Variants in HGF observed in about 807,000 individuals in gnomAD.
The protein encoded by HGF is fibroblast-derived tumor cytotoxic factor.
Under a neutral mutation model 111.6 loss-of-function variants are expected in HGF, and 39 were observed. That is an observed-to-expected ratio of 0.35 (90% CI 0.27 to 0.46). The LOEUF (loss-of-function observed/expected upper bound fraction) is 0.46, where lower values mean the gene tolerates loss of function less well. Ranked by LOEUF, HGF falls within the 20% of genes least tolerant of loss-of-function variation. HGF has a pLI of 1.00. For missense variants in HGF, 735 were observed against 910.5 expected (o/e 0.81, Z 2.48); for synonymous variants, 285 against 294.8 (o/e 0.97, Z 0.34).
intron 1 of HGF, among the ~76,000 whole-genome samples, chr7:81,769,350 T>C (rs1789517164): frequency 6.6e-6 from 1 of 152,248 alleles, no homozygotes; most frequent in South Asian, 2.1e-4. Context: ...GCTTTCTCTT[T>C]CATTTTTATG....
intron 2 of HGF, among the ~76,000 whole-genome samples, chr7:81,760,951 G>C (rs1789042748): frequency 2.0e-5 from 3 of 152,062 alleles, no homozygotes; most frequent in Admixed American, 1.3e-4. Flanking sequence ...TAGAACAAAA[G>C]GAAAGTTTTT....
chr7:81,711,637 T>G, intron 11 of HGF, 118 bp from the exon 12 acceptor site: 1 of 512,856 alleles, frequency 1.9e-6, no homozygotes, highest in East Asian at 3.4e-5. Context: ...CTAAAATTTT[T>G]GTTGTTGTTG....
chr7:81,764,327 A>G (rs537920754), intron 1 of HGF, among the ~76,000 whole-genome samples: 4 of 152,256 alleles, frequency 2.6e-5, no homozygotes, highest in African/African-American at 9.6e-5. Context: ...AATCTCTGTA[A>G]AACTCCAAAG....
chr7:81,731,142 G>C (rs1787640572), intron 7 of HGF, among the ~76,000 whole-genome samples: 2 of 152,090 alleles, frequency 1.3e-5, no homozygotes, highest in Admixed American at 6.5e-5. Context: ...CTAAACAATA[G>C]CTTATGTTTA....
At chr7:81,761,640 C>T (rs1789085765) in intron 2 of HGF, among the ~76,000 whole-genome samples, 1 of 151,906 alleles carries the variant, frequency 6.6e-6, no homozygotes, top group African/African-American at 2.4e-5. Flanking sequence ...AATGTGTCTT[C>T]TTCTGACAGT....
At position 81,712,444 on chromosome 7, in the gene HGF, A is replaced by G. The variant is rs549167007; in HGVS notation, c.1406-925T>C. On this transcript the variant is annotated intron_variant, in intron 11 of 17. Transcript: ENST00000222390. ...TTATGCTTTGTTGCTTGAATATTTCAAGGGTTGATTTTTCCAGATGCGAGT... is the reference window on the plus strand; with the variant it reads ...TTATGCTTTGTTGCTTGAATATTTCGAGGGTTGATTTTTCCAGATGCGAGT... 1.1e-4 allele frequency among the ~76,000 whole-genome samples: 17 copies of G among 152,290 alleles called. 1 individual carries two copies. In the South Asian group the frequency reaches 2.9e-3, roughly 26 times the overall value.
chr7:81,760,630 T>C (rs1163898717), intron 2 of HGF, among the ~76,000 whole-genome samples: 1 of 152,018 alleles, frequency 6.6e-6, no homozygotes, highest in Non-Finnish European at 1.5e-5. Flanking sequence ...CAATTCTATA[T>C]AGCTAAGATA....
At chr7:81,763,666 T>C (rs1044602983) in intron 1 of HGF, among the ~76,000 whole-genome samples, 23 of 152,174 alleles carry the variant, frequency 1.5e-4, no homozygotes, top group Non-Finnish European at 2.5e-4. Flanking sequence ...AAACTTGTTC[T>C]CTGTATTCTC....
At chr7:81,739,493 T>C (rs1176197765) in intron 7 of HGF, among the ~76,000 whole-genome samples, 3 of 152,146 alleles carry the variant, frequency 2.0e-5, no homozygotes, top group Non-Finnish European at 2.9e-5. Flanking sequence ...CAGTACTCCA[T>C]AAATTATAAA....
intron 6 of HGF, 47 bp from the exon 7 acceptor site, chr7:81,743,518 ACCAC>A: frequency 8.8e-7 from 1 of 1,134,560 alleles, no homozygotes; most frequent in Non-Finnish European, 1.3e-6. Context: ...GCCTGGAAAC[ACCAC>A]CCACCCCTCA....
chr7:81,739,144 T>G (rs906595559), intron 7 of HGF, among the ~76,000 whole-genome samples: 3 of 152,104 alleles, frequency 2.0e-5, no homozygotes, highest in Non-Finnish European at 2.9e-5. Flanking sequence ...TTAAAATATT[T>G]TAGGCTTTTC....
intron 7 of HGF, among the ~76,000 whole-genome samples, chr7:81,732,405 C>A (rs1000094473): frequency 6.6e-6 from 1 of 152,130 alleles, no homozygotes; most frequent in Non-Finnish European, 1.5e-5. Flanking sequence ...TAAGGATATG[C>A]CTGGGTAGGG....
intron 11 of HGF, among the ~76,000 whole-genome samples, chr7:81,716,746 A>G (rs973098317): frequency 6.6e-6 from 1 of 152,158 alleles, no homozygotes; most frequent in African/African-American, 2.4e-5. Context: ...GAATCAGATA[A>G]CTGGGTGGAA....
At chr7:81,722,296 T>C (rs1789884639) in intron 9 of HGF, among the ~76,000 whole-genome samples, 1 of 151,776 alleles carries the variant, frequency 6.6e-6, no homozygotes, top group Non-Finnish European at 1.5e-5. Flanking sequence ...CCTGTGTAGC[T>C]GGGATTACAG....
At chr7:81,727,954 T>C (rs1249096951) in intron 8 of HGF, among the ~76,000 whole-genome samples, 1 of 152,240 alleles carries the variant, frequency 6.6e-6, no homozygotes, top group Non-Finnish European at 1.5e-5. Context: ...ATTACTAAAG[T>C]AAATTGATGA....
chr7:81,723,837 CAT>C (rs760291290), intron 9 of HGF, among the ~76,000 whole-genome samples: 6 of 150,024 alleles, frequency 4.0e-5, no homozygotes, highest in South Asian at 4.2e-4. Context: ...TATATATACA[CAT>C]ATATATATAT....
rs571158465 is a variant in HGF, at chr7:81,765,059, T to A, written c.89-2187A>T. 3.3e-5 allele frequency among the ~76,000 whole-genome samples: 5 copies of A among 152,156 alleles called. No individual in the cohort carries two copies. The South Asian group carries it at 1.0e-3, about 32-fold the overall frequency. On this transcript the variant is annotated intron_variant, in intron 1 of 17. Coordinates refer to ENST00000222390, the MANE Select transcript of HGF (RefSeq NM_000601.6). Reference sequence around the variant, plus strand: ...TGTATAATTATATTAACTAAAAATATAAAATTGAAGTTGGCCTGATATATA... The same window carrying A: ...TGTATAATTATATTAACTAAAAATAAAAAATTGAAGTTGGCCTGATATATA...
chr7:81,738,345 T>TA (rs958035017), intron 7 of HGF, among the ~76,000 whole-genome samples: 4 of 152,132 alleles, frequency 2.6e-5, no homozygotes, highest in Middle Eastern at 3.4e-3. Context: ...GAGAAAAACA[T>TA]AAAAAAATCA....
chr7:81,736,685 A>G (rs1455922905), intron 7 of HGF: 4 of 468,300 alleles, frequency 8.5e-6, no homozygotes, highest in Non-Finnish European at 4.3e-6. Context: ...GGGTAAAGAG[A>G]CTATAATGAG....
Sources: allele counts gnomAD v4.1 joint callset (sites outside exome capture counted in the v4.1 genomes callset), GRCh38; gene constraint gnomAD v4.1.1; transcripts MANE v1.5; gene names NCBI Gene and HGNC (gene_info 2026-07-23, HGNC 2026-07-21).